The following SYNPR variants were observed in gnomAD, a reference collection of about 807,000 sequenced individuals.
The protein encoded by SYNPR is synaptoporin.
In SYNPR, 23 loss-of-function variants were observed where a neutral mutation model predicts 32.9. The ratio of observed to expected loss-of-function variants is 0.70; its 90% CI spans 0.50 to 0.99. The LOEUF is 0.99. SYNPR is among the 50% of genes least tolerant of loss of function. SYNPR has a pLI of 0.00. For missense variants in SYNPR, 318 were observed against 349.3 expected (o/e 0.91, Z 0.71); for synonymous variants, 146 against 135.9 (o/e 1.07, Z -0.52).
At chr3:63,535,181 G>A (rs1316182194) in intron 3 of SYNPR, among the ~76,000 whole-genome samples, 3 of 152,070 alleles carry the variant, frequency 2.0e-5, no homozygotes, top group African/African-American at 4.8e-5. Context: ...AATTACAGAT[G>A]TGGTTAATTA....
intron 2 of SYNPR, among the ~76,000 whole-genome samples, chr3:63,389,381 TCA>T (rs780432799): frequency 1.8e-4 from 28 of 152,306 alleles, no homozygotes; most frequent in Non-Finnish European, 2.9e-4. Flanking sequence ...CACATTGGCT[TCA>T]TTCTCAGGCA....
intron 4 of SYNPR, among the ~76,000 whole-genome samples, chr3:63,563,504 A>G (rs1396891484): frequency 6.6e-6 from 1 of 152,066 alleles, no homozygotes; most frequent in East Asian, 1.9e-4. Flanking sequence ...AATTGCTGAG[A>G]AAGTGCTCTC....
chr3:63,313,399 G>A (rs1008061180), intron 2 of SYNPR, among the ~76,000 whole-genome samples: 2 of 151,494 alleles, frequency 1.3e-5, no homozygotes, highest in African/African-American at 4.8e-5. Flanking sequence ...AAAATCCATT[G>A]TATTATTCTT....
At chr3:63,294,686 A>C (rs77402344) in intron 2 of SYNPR, among the ~76,000 whole-genome samples, 2,409 of 152,282 alleles carry the variant, frequency 0.016, 76 homozygotes, top group East Asian at 0.12. Flanking sequence ...TGTAATTTTT[A>C]GAATGTCAAA....
chr3:63,386,582 G>C (rs1210144991), intron 2 of SYNPR, among the ~76,000 whole-genome samples: 2 of 139,826 alleles, frequency 1.4e-5, no homozygotes, highest in Non-Finnish European at 3.0e-5. Flanking sequence ...ATGAGAGTAA[G>C]AGCAGAGTTG....
Position 63,259,900 on chromosome 3 carries a change from G to A in SYNPR, n.154+7314G>A, listed in dbSNP as rs1319521909. Reference sequence around the variant, plus strand: ...GTCTCAGGATACAAAATCAATGTGTGAAAATCACAAGCATTCTTATACACC... The same window carrying A: ...GTCTCAGGATACAAAATCAATGTGTAAAAATCACAAGCATTCTTATACACC... On this transcript the variant is annotated intron_variant and non_coding_transcript_variant, in intron 2 of 4. Coordinates refer to the SYNPR transcript ENST00000478456. Among the ~76,000 whole-genome samples, 8 of 152,202 alleles carry A rather than the reference G, an allele frequency of 5.3e-5. No individual in the cohort carries two copies. In the South Asian group the frequency reaches 1.2e-3, roughly 24 times the overall value.
chr3:63,521,684 A>T (rs1465134173), intron 3 of SYNPR, among the ~76,000 whole-genome samples: 1 of 152,180 alleles, frequency 6.6e-6, no homozygotes, highest in Non-Finnish European at 1.5e-5. Flanking sequence ...TGGTTCAGGA[A>T]ACCCACATTG....
In SYNPR at chr3:63,255,957, G is replaced by C. The variant is rs572631202; in HGVS notation, n.154+3371G>C. Among the ~76,000 whole-genome samples the C allele has an allele frequency of 1.4e-4, 21 of 152,356 alleles. 1 individual carries two copies. The Middle Eastern group carries it at 0.01, about 74-fold the overall frequency. On this transcript the variant is annotated intron_variant and non_coding_transcript_variant, in intron 2 of 4. Transcript: ENST00000478456. ...TAGCTCAGAGGGTCCTACGCCCATT[G>C]AGCCTCACTCATTGCTAGCACAGCA...
intron 2 of SYNPR, among the ~76,000 whole-genome samples, chr3:63,415,879 TCTTTG>T (rs1414107306): frequency 6.6e-6 from 1 of 152,240 alleles, no homozygotes; most frequent in Non-Finnish European, 1.5e-5. Flanking sequence ...CTCTGAATGC[TCTTTG>T]GTCAATCATG....
intron 3 of SYNPR, among the ~76,000 whole-genome samples, chr3:63,543,404 CA>C (rs1274641770): frequency 6.6e-6 from 1 of 152,034 alleles, no homozygotes; most frequent in Non-Finnish European, 1.5e-5. Context: ...GATTTTTAAT[CA>C]TCAGGAGAGG....
chr3:63,437,804 C>A (rs77042766), intron 2 of SYNPR, among the ~76,000 whole-genome samples: 18,563 of 152,146 alleles, frequency 0.12, 1,485 homozygotes, highest in Non-Finnish European at 0.18. Context: ...GGAATAAATA[C>A]CCTGACCTCA....
chr3:63,548,643 T>A (rs1434678067), intron 3 of SYNPR, among the ~76,000 whole-genome samples: 1 of 152,162 alleles, frequency 6.6e-6, no homozygotes, highest in Non-Finnish European at 1.5e-5. Context: ...AAAGTTCCTG[T>A]CGACTGGTAA....
Position 63,588,535 on chromosome 3 carries a change from T to A in SYNPR, c.409-20590T>A, listed in dbSNP as rs936018215. ...AGTCCCCAAAATATTTCAGAAGTGC[T>A]AAAAAAAATGCATAAACATAAGAAA... On this transcript the variant is annotated intron_variant, in intron 4 of 5. Transcript: ENST00000478300. Among the ~76,000 whole-genome samples, 9 of 151,928 alleles carry A rather than the reference T, an allele frequency of 5.9e-5. No individual in the cohort carries two copies. In the South Asian group the frequency reaches 1.9e-3, roughly 32 times the overall value.
At chr3:63,595,715 TTTTATATA>T (rs1445501966) in intron 4 of SYNPR, among the ~76,000 whole-genome samples, 11 of 45,770 alleles carry the variant, frequency 2.4e-4, no homozygotes, top group African/African-American at 1.0e-3. Context: ...CTGAATCTTA[TTTTATATA>T]TATATATATA....
At chr3:63,434,799 A>T (rs1474070847) in intron 2 of SYNPR, among the ~76,000 whole-genome samples, 1 of 152,258 alleles carries the variant, frequency 6.6e-6, no homozygotes, top group African/African-American at 2.4e-5. Flanking sequence ...GAAGGAAAAC[A>T]AACAGATGTA....
chr3:63,250,350 T>G (rs1022883043), intron 1 of SYNPR, among the ~76,000 whole-genome samples: 3 of 148,942 alleles, frequency 2.0e-5, no homozygotes, highest in South Asian at 4.2e-4. Context: ...TAAAATAAAA[T>G]AAAAATAAAA....
intron 1 of SYNPR, among the ~76,000 whole-genome samples, chr3:63,228,780 A>G (rs974489869): frequency 2.0e-5 from 3 of 152,004 alleles, no homozygotes; most frequent in Non-Finnish European, 2.9e-5. Flanking sequence ...AGAATTAACC[A>G]TCTGGCACCA....
intron 1 of SYNPR, among the ~76,000 whole-genome samples, chr3:63,234,161 G>A (rs1454371490): frequency 2.0e-5 from 3 of 152,176 alleles, no homozygotes; most frequent in African/African-American, 7.2e-5. Flanking sequence ...GCAAGGAGGA[G>A]CAAGTCACGT....
chr3:63,416,886 A>G (rs550253416), intron 2 of SYNPR, among the ~76,000 whole-genome samples: 174 of 152,262 alleles, frequency 1.1e-3, no homozygotes, highest in Non-Finnish European at 1.8e-3. Flanking sequence ...TGCCTCCCAC[A>G]ACACACGGAA....
Sources: gnomAD v4.1 joint callset for allele counts (sites outside exome capture counted in the v4.1 genomes callset) on GRCh38, gnomAD v4.1.1 for gene constraint, MANE v1.5 for transcripts, NCBI Gene and HGNC (gene_info 2026-07-23, HGNC 2026-07-21) for gene names.